Variants in ASMT observed in about 807,000 individuals in gnomAD.
The protein encoded by ASMT is acetylserotonin O-methyltransferase, also known as acetylserotonin N-methyltransferase.
Under a neutral mutation model 41.3 loss-of-function variants are expected in ASMT, and 53 were observed. The ratio of observed to expected loss-of-function variants is 1.28; its 90% CI spans 1.03 to 1.61. The LOEUF is 1.61. Among genes scored for constraint, ASMT ranks in the 40% most tolerant of loss-of-function variants. ASMT has a pLI of 0.00. For synonymous variants in ASMT, 231 were observed against 184.8 expected, an observed-to-expected ratio of 1.25 and a Z score of -2.03; for missense variants, 531 against 441.3, an observed-to-expected ratio of 1.20 and a Z score of -1.82.
chrX:1,615,154 C>G lies in ASMT; in HGVS notation c.-46C>G. On this transcript the variant is annotated 5_prime_UTR_variant, in exon 1 of 9. Coordinates refer to ENST00000381241, the MANE Select transcript of ASMT (RefSeq NM_001171038.2). ...CCAGCAGGCTCTGTGCTCCTTGAAG[C>G]AAGCGCTCCAGAGGCTCCGGAAGCC... 2 of 1,545,554 alleles carry G rather than the reference C, an allele frequency of 1.3e-6. No homozygotes were observed. Among genetic ancestry groups the G allele is most frequent in the Non-Finnish European group, 1.8e-6 (2 of 1,138,738 alleles).
chrX:1,631,964 G>A (rs764458647), intron 5 of ASMT, among the ~76,000 whole-genome samples: 7 of 152,214 alleles, frequency 4.6e-5, no homozygotes, highest in East Asian at 1.9e-4. Context: ...CAGGAGAATC[G>A]CTTGTACCCG....
In ASMT at chrX:1,624,369, G is replaced by C. The variant is rs748057718; in HGVS notation, c.345G>C (p.Arg115=). 1.9e-6 allele frequency: 3 copies of C among 1,613,668 alleles called. No homozygotes were observed. In the African/African-American group the frequency reaches 4.0e-5, roughly 22 times the overall value. ...AGTACATGGGCAGGACCAGCTACCG[G>C]TGCTGGGGCCACCTGGCAGACGCCG... is the stretch of plus-strand genomic sequence containing the variant. The part of the protein sequence containing the change: ...MLKYMGRTSY[R]CWGHLADAVR... The change falls in exon 3 of 9, where the codon CGG becomes CGC. Residue 115 remains arginine (R), a synonymous_variant. Coordinates refer to ENST00000381241, the MANE Select transcript of ASMT (RefSeq NM_001171038.2).
chrX:1,627,607 C>CTGAAATGAAA (rs1934600147), intron 3 of ASMT, 96 bp from the exon 4 acceptor site: 2 of 1,289,246 alleles, frequency 1.6e-6, no homozygotes, highest in Non-Finnish European at 2.3e-6. Context: ...GGCTACAGAG[C>CTGAAATGAAA]TGAAATGAAA....
chrX:1,631,003 C>A (rs1256886176), intron 5 of ASMT, among the ~76,000 whole-genome samples: 1 of 146,972 alleles, frequency 6.8e-6, no homozygotes, highest in Non-Finnish European at 1.5e-5. Flanking sequence ...CTCTGCCTCC[C>A]GGGTTCACGC....
chrX:1,615,281 C>T lies in ASMT; in HGVS notation c.69+13C>T. The T allele has an allele frequency of 3.2e-6, 5 of 1,583,738 alleles. No homozygotes were observed. The highest frequency in any genetic ancestry group is 4.3e-6 in the Non-Finnish European group (5 of 1,164,342). On this transcript the variant is annotated intron_variant, in intron 1 of 8. Coordinates refer to ENST00000381241, the MANE Select transcript of ASMT (RefSeq NM_001171038.2). The stretch of plus-strand genomic sequence containing the variant: ...CATGGTGTCCCAGGTAGGATACGCT[C>T]TGTGGGACAAGGGGGAATAGACTTC...
At chrX:1,627,359 C>T (rs1934589322) in intron 3 of ASMT, among the ~76,000 whole-genome samples, 3 of 149,788 alleles carry the variant, frequency 2.0e-5, no homozygotes, top group Admixed American at 6.7e-5. Context: ...TGGTGGCTCA[C>T]ACCTGTAACC....
At chrX:1,628,130 G>A (rs1934626641) in intron 4 of ASMT, 1 of 321,808 alleles carries the variant, frequency 3.1e-6, no homozygotes, top group Admixed American at 4.8e-5. Context: ...AGACCAGCCT[G>A]GCCAACAGGG....
chrX:1,630,509 G>A (rs1424947592), intron 5 of ASMT, among the ~76,000 whole-genome samples: 33 of 152,100 alleles, frequency 2.2e-4, no homozygotes, highest in Non-Finnish European at 4.0e-4. Flanking sequence ...GTTTTGCCAT[G>A]TTGGCCAGGC....
intron 3 of ASMT, among the ~76,000 whole-genome samples, chrX:1,625,693 G>A (rs1222692424): frequency 6.6e-6 from 1 of 151,920 alleles, no homozygotes; most frequent in African/African-American, 2.4e-5. Flanking sequence ...AGTAGCCCAT[G>A]CCGGTAATCC....
intron 7 of ASMT, among the ~76,000 whole-genome samples, chrX:1,633,534 G>A (rs767232255): frequency 6.6e-6 from 1 of 152,142 alleles, no homozygotes; most frequent in African/African-American, 2.4e-5. Flanking sequence ...GGAGTGCAGT[G>A]GTGCAGTCTC....
chrX:1,624,124 A>G, intron 2 of ASMT, 145 bp from the exon 3 acceptor site: 1 of 1,164,774 alleles, frequency 8.6e-7, no homozygotes, highest in Non-Finnish European at 1.3e-6. Flanking sequence ...CTCCAGCTGT[A>G]CAAGGCAAGA....
chrX:1,628,487 G>A (rs1306564497), intron 4 of ASMT, among the ~76,000 whole-genome samples: 1 of 152,002 alleles, frequency 6.6e-6, no homozygotes, highest in African/African-American at 2.4e-5. Flanking sequence ...TGAATTGATG[G>A]GCCCGTCCAG....
chrX:1,624,908 C>G (rs1391033849), intron 3 of ASMT, among the ~76,000 whole-genome samples: 1 of 138,436 alleles, frequency 7.2e-6, no homozygotes, highest in South Asian at 2.2e-4. Flanking sequence ...GGGGCTGACC[C>G]CAGGCAGATG....
At position 1,636,963 on chromosome X, in the gene ASMT, C is replaced by G. The variant is rs1934998455; in HGVS notation, c.910+403C>G. The stretch of plus-strand genomic sequence containing the variant: ...AGCTCTCCTGTGAGGTCCATCCATC[C>G]TGATGGCACATGAGGATGTGGGCAC... On this transcript the variant is annotated intron_variant, in intron 8 of 8. Coordinates refer to ENST00000381241, the MANE Select transcript of ASMT (RefSeq NM_001171038.2). Among the ~76,000 whole-genome samples the G allele has an allele frequency of 2.5e-5, 2 of 81,302 alleles. 1 individual carries two copies. Among genetic ancestry groups the G allele is most frequent in the Non-Finnish European group, 4.9e-5 (2 of 40,522 alleles). 53.3% of individuals were successfully genotyped at this position (81,302 alleles called of 152,430 possible).
At chrX:1,617,824 A>T (rs1222691162) in intron 1 of ASMT, among the ~76,000 whole-genome samples, 1 of 151,960 alleles carries the variant, frequency 6.6e-6, no homozygotes, top group Non-Finnish European at 1.5e-5. Context: ...TATGTTGGTC[A>T]GGCTGGTCTC....
At position 1,615,213 on chromosome X, in the gene ASMT, A is replaced by G. The variant is rs763469936; in HGVS notation, c.14A>G (p.Glu5Gly). MGSSEDQAYRLLNDY... is the reference protein window; with the variant it reads MGSSGDQAYRLLNDY... ...ATTGGAGACAAGATGGGATCCTCAGAGGACCAGGCCTATCGCCTCCTTAAT... is the reference window on the plus strand; with the variant it reads ...ATTGGAGACAAGATGGGATCCTCAGGGGACCAGGCCTATCGCCTCCTTAAT... Residue 5 changes from glutamate to glycine, a missense_variant, in exon 1 of 9, where the codon GAG (glutamate) becomes GGG (glycine). Glu to Gly is a moderately conservative substitution (Grantham distance 98). Coordinates refer to ENST00000381241, the MANE Select transcript of ASMT (RefSeq NM_001171038.2). 1.0e-5 allele frequency: 16 copies of G among 1,596,450 alleles called. No homozygotes were observed. In the Admixed American group the frequency reaches 1.2e-4, roughly 12 times the overall value.
intron 3 of ASMT, among the ~76,000 whole-genome samples, chrX:1,626,627 C>G (rs767954007): frequency 2.0e-5 from 3 of 152,122 alleles, no homozygotes; most frequent in Admixed American, 2.0e-4. Context: ...ACCCATCTCA[C>G]GAGACTTTAT....
At chrX:1,634,436 G>GC (rs1486417449) in intron 7 of ASMT, among the ~76,000 whole-genome samples, 1 of 152,164 alleles carries the variant, frequency 6.6e-6, no homozygotes, top group African/African-American at 2.4e-5. Context: ...CAGACACCCT[G>GC]CATGGCTGAC....
intron 5 of ASMT, among the ~76,000 whole-genome samples, chrX:1,631,086 T>G (rs1449848464): frequency 2.8e-5 from 1 of 35,394 alleles, no homozygotes; most frequent in African/African-American, 7.2e-5. Flanking sequence ...AATTTTTTGT[T>G]TTTTTTTTTA....
Sources: gnomAD v4.1 joint callset for allele counts (sites outside exome capture counted in the v4.1 genomes callset) on GRCh38, gnomAD v4.1.1 for gene constraint, MANE v1.5 for transcripts, NCBI Gene and HGNC (gene_info 2026-07-23, HGNC 2026-07-21) for gene names.